The following TFAP2D variants were observed in gnomAD, a reference collection of about 807,000 sequenced individuals.
TFAP2D encodes the protein transcription factor AP-2 delta.
Under a neutral mutation model 43.6 loss-of-function variants are expected in TFAP2D, and 9 were observed. The ratio of observed to expected loss-of-function variants is 0.21; its 90% confidence interval spans 0.12 to 0.36. The LOEUF (loss-of-function observed/expected upper bound fraction) is 0.36, where lower values mean the gene tolerates loss of function less well. TFAP2D is among the 10% of genes least tolerant of loss of function. TFAP2D has a pLI of 1.00. For missense variants in TFAP2D, 513 were observed against 561.4 expected, an observed-to-expected ratio of 0.91 and a Z score of 0.87; for synonymous variants, 256 against 224.9, an observed-to-expected ratio of 1.14 and a Z score of -1.24.
chr6:50,724,556 C>T (rs892725914), intron 3 of TFAP2D, among the ~76,000 whole-genome samples: 1 of 152,072 alleles, frequency 6.6e-6, no homozygotes, highest in Non-Finnish European at 1.5e-5. Flanking sequence ...GACCTCTCGC[C>T]ACAGCTGGGT....
chr6:50,756,652 G>A (rs1440641382), intron 7 of TFAP2D, among the ~76,000 whole-genome samples: 1 of 151,998 alleles, frequency 6.6e-6, no homozygotes, highest in Non-Finnish European at 1.5e-5. Context: ...CCATCAAAAT[G>A]ACAGAAGGCA....
chr6:50,715,051 G>A lies in TFAP2D; in HGVS notation c.40-65G>A, dbSNP rs941033167. ...AAGCTCCTGGCTCCGGGAGAGCGGCGCCTTGGTTGCAAAATGACAAACCTC... is the reference window on the plus strand; with the variant it reads ...AAGCTCCTGGCTCCGGGAGAGCGGCACCTTGGTTGCAAAATGACAAACCTC... On this transcript the variant is annotated intron_variant, in intron 1 of 7. Transcript: ENST00000008391. The A allele has an allele frequency of 3.2e-6, 5 of 1,559,118 alleles. No individual in the cohort carries two copies. The African/African-American group carries it at 6.8e-5, about 21-fold the overall frequency.
intron 7 of TFAP2D, among the ~76,000 whole-genome samples, chr6:50,766,709 C>T (rs1395600549): frequency 1.7e-4 from 21 of 122,770 alleles, no homozygotes; most frequent in Non-Finnish European, 3.1e-4. Flanking sequence ...TCGCCCAGGC[C>T]GGACTGCGGA....
intron 5 of TFAP2D, among the ~76,000 whole-genome samples, chr6:50,738,039 G>C (rs536879728): frequency 6.6e-6 from 1 of 152,080 alleles, no homozygotes; most frequent in East Asian, 1.9e-4. Context: ...TAGCAATGAG[G>C]GTAAGAAGCA....
At chr6:50,721,605 T>G (rs564126704) in intron 3 of TFAP2D, among the ~76,000 whole-genome samples, 1 of 152,256 alleles carries the variant, frequency 6.6e-6, no homozygotes, top group South Asian at 2.1e-4. Flanking sequence ...ACCCCTAATA[T>G]CAACAGCTCA....
rs763018088 is a variant in TFAP2D at position 50,766,654 on chromosome 6, C to CT, written c.1140-5966dup. On this transcript the variant is annotated intron_variant, in intron 7 of 7. Transcript: ENST00000008391. ...CCTTTTGATACCATGAGATTGCTTT[C>CT]TTTTTTTTTTTTTTTTTTTTTTTTT... 6.9e-3 allele frequency among the ~76,000 whole-genome samples: 395 copies of CT among 57,324 alleles called. 68 individuals carry two copies. The highest frequency in any genetic ancestry group is 1.0e-2 in the Non-Finnish European group (283 of 28,442). The allele number at this position is 57,324 out of a possible 152,430, so 37.6% of individuals were successfully genotyped here. A position where few individuals can be genotyped will look rare whatever the true frequency, so the allele number is the denominator to read the frequency against.
At chr6:50,728,119 C>T (rs1282101391) in intron 3 of TFAP2D, among the ~76,000 whole-genome samples, 1 of 152,074 alleles carries the variant, frequency 6.6e-6, no homozygotes, top group African/African-American at 2.4e-5. Flanking sequence ...GTTTTGCTCC[C>T]TAATAGTAAT....
At chr6:50,752,693 G>A (rs1177033290) in intron 7 of TFAP2D, among the ~76,000 whole-genome samples, 3 of 151,776 alleles carry the variant, frequency 2.0e-5, no homozygotes, top group Non-Finnish European at 4.4e-5. Context: ...TTCCAAAAAT[G>A]CACAAAATGT....
chr6:50,762,737 A>C (rs1769380585), intron 7 of TFAP2D, among the ~76,000 whole-genome samples: 1 of 152,106 alleles, frequency 6.6e-6, no homozygotes. Context: ...CACTAGTCTG[A>C]GTTTTCTCAG....
intron 6 of TFAP2D, among the ~76,000 whole-genome samples, chr6:50,750,718 C>T (rs796395554): frequency 9.2e-5 from 14 of 152,036 alleles, no homozygotes; most frequent in African/African-American, 3.1e-4. Flanking sequence ...TTATCTGCTT[C>T]AAATATTAGC....
intron 1 of TFAP2D, 112 bp from the exon 2 acceptor site, chr6:50,715,004 G>A (rs976320588): frequency 4.0e-5 from 57 of 1,420,000 alleles, no homozygotes; most frequent in Non-Finnish European, 5.2e-5. Flanking sequence ...CTACGCGCTC[G>A]CTTTCCTTGG....
intron 5 of TFAP2D, among the ~76,000 whole-genome samples, chr6:50,733,437 T>C (rs751134586): frequency 7.9e-4 from 120 of 152,044 alleles, no homozygotes; most frequent in Non-Finnish European, 1.4e-3. Flanking sequence ...CTCTGAAAAA[T>C]ACAGTGGCTT....
At position 50,722,292 on chromosome 6, in the gene TFAP2D, A is replaced by G. The variant is rs188806436; in HGVS notation, c.598+3142A>G. 2.6e-5 allele frequency among the ~76,000 whole-genome samples: 4 copies of G among 152,296 alleles called. No individual in the cohort carries two copies. In the East Asian group the frequency reaches 7.7e-4, roughly 29 times the overall value. ...TACTTTACCCTGTGCTCGCGTATCG[A>G]TAGCTTCTTTCGCCTCGGGCGTAGG... is the stretch of plus-strand genomic sequence containing the variant. On this transcript the variant is annotated intron_variant, in intron 3 of 7. Coordinates refer to ENST00000008391, the MANE Select transcript of TFAP2D (RefSeq NM_172238.4).
At chr6:50,755,896 T>C (rs1348003085) in intron 7 of TFAP2D, among the ~76,000 whole-genome samples, 1 of 152,050 alleles carries the variant, frequency 6.6e-6, no homozygotes, top group Non-Finnish European at 1.5e-5. Flanking sequence ...TTTTATTTTA[T>C]TTTTTGTGAG....
intron 5 of TFAP2D, among the ~76,000 whole-genome samples, chr6:50,731,785 G>A (rs1301762149): frequency 2.6e-5 from 4 of 151,974 alleles, no homozygotes; most frequent in Non-Finnish European, 5.9e-5. Context: ...TGGGTTGGTG[G>A]TAACAGCTGA....
At position 50,715,110 on chromosome 6, in the gene TFAP2D, T is replaced by C. The variant is rs1768595547; in HGVS notation, c.40-6T>C. The C allele has an allele frequency of 7.5e-6, 12 of 1,610,370 alleles. No individual in the cohort carries two copies. In the East Asian group the frequency reaches 2.5e-4, roughly 33 times the overall value. ...CTGCTCTCCCTTTTCCCCCTCTTCC[T>C]TCCAGATACGTCACGACGGATCAAA... On this transcript the variant is annotated splice_region_variant and splice_polypyrimidine_tract_variant and intron_variant, in intron 1 of 7. Transcript: ENST00000008391.
In TFAP2D at chr6:50,715,284, C is replaced by T; in HGVS notation, c.208C>T (p.His70Tyr). The change falls in exon 2 of 8, where the codon CAC (histidine) becomes TAC (tyrosine). Residue 70 changes from histidine (H) to tyrosine (Y), a missense_variant. Around this residue, in one of 3 missense-constraint regions of TFAP2D, gnomAD observed 311 missense variants for 316.2 expected, o/e 0.98. Coordinates refer to ENST00000008391, the MANE Select transcript of TFAP2D (RefSeq NM_172238.4). ...CACTAACCACCAGTACACCCCGCTC[C>T]ACCACCAGTCCTTCCATTACGAGTT... ...FSTNHQYTPLHHQSFHYEFQH... is the reference protein window; with the variant it reads ...FSTNHQYTPLYHQSFHYEFQH... 1 of 1,614,062 alleles carries T rather than the reference C, an allele frequency of 6.2e-7. No homozygotes were observed.
rs71305731 is a variant in TFAP2D, at chr6:50,714,104, C to CTTT, written c.39+28_39+30dup. 13,508 of 1,387,284 alleles carry CTTT rather than the reference C, an allele frequency of 9.7e-3. 35 individuals are homozygous for CTTT. Among genetic ancestry groups the CTTT allele is most frequent in the Non-Finnish European group, 0.011 (11,846 of 1,054,854 alleles). The allele number at this position is 1,387,284 out of a possible 1,614,324, so 85.9% of individuals were successfully genotyped here. On this transcript the variant is annotated intron_variant, in intron 1 of 7. Coordinates refer to ENST00000008391, the MANE Select transcript of TFAP2D (RefSeq NM_172238.4). ...AGTCCACGATGCCGAGGTATTATTACTTTTTTTTTTTTTTTTTTTTGAGCG... is the reference window on the plus strand; with the variant it reads ...AGTCCACGATGCCGAGGTATTATTACTTTTTTTTTTTTTTTTTTTTTTTGAGCG...
At chr6:50,757,495 T>C (rs5016907) in intron 7 of TFAP2D, among the ~76,000 whole-genome samples, 9,056 of 77,170 alleles carry the variant, frequency 0.12, 1,217 homozygotes, top group Middle Eastern at 0.2. Flanking sequence ...ATATATAATA[T>C]ATATAATTAT....
Sources: gnomAD v4.1 joint callset for allele counts (sites outside exome capture counted in the v4.1 genomes callset) on GRCh38, gnomAD v4.1.1 for gene constraint, gnomAD v4.1.1 regional missense constraint, MANE v1.5 for transcripts, NCBI Gene and HGNC (gene_info 2026-07-23, HGNC 2026-07-21) for gene names.